GHR: variants seen among roughly 807,000 people sequenced by gnomAD.
The protein encoded by GHR is growth hormone receptor, also known as GH receptor.
GHR carries 35 observed loss-of-function variants against 67.1 expected under a neutral mutation model. The ratio of observed to expected loss-of-function variants is 0.52; its 90% CI spans 0.40 to 0.69. GHR has a LOEUF of 0.69. Among genes scored for constraint, GHR ranks in the 30% least tolerant of loss-of-function variants. The probability of loss-of-function intolerance (pLI) is 0.00; values close to 1 mark genes in which losing one functional copy is unlikely to be tolerated. For synonymous variants in GHR, 272 were observed against 269.1 expected (o/e 1.01, Z -0.10); for missense variants, 792 against 764.6 (o/e 1.04, Z -0.42).
At chr5:42,695,206 T>C in intron 5 of GHR, 117 bp downstream of exon 5, 1 of 752,436 alleles carries the variant, frequency 1.3e-6, no homozygotes, top group Non-Finnish European at 2.4e-6. Context: ...TATAGATACA[T>C]GGAGATCTGT....
At chr5:42,712,984 T>C (rs536102357) in intron 7 of GHR, among the ~76,000 whole-genome samples, 1 of 152,084 alleles carries the variant, frequency 6.6e-6, no homozygotes, top group East Asian at 1.9e-4. Flanking sequence ...CTTCATCTTT[T>C]TGATAAATCT....
At position 42,688,966 on chromosome 5, in the gene GHR, G is replaced by C. The variant is rs1414009547; in HGVS notation, c.213G>C (p.Glu71Asp). The C allele has an allele frequency of 6.2e-7, 1 of 1,613,122 alleles. No homozygotes were observed. Among genetic ancestry groups the C allele is most frequent in the South Asian group, 1.1e-5 (1 of 91,052 alleles). Residue 71 changes from glutamate to aspartate, a missense_variant, in exon 4 of 10, where the codon GAG (glutamate) becomes GAC (aspartate). Glu to Asp is a conservative substitution (Grantham distance 45). Coordinates refer to ENST00000230882, the MANE Select transcript of GHR (RefSeq NM_000163.5). ...RETFSCHWTD[E>D]VHHGTKNLGP... ...CTTTTTCATGCCACTGGACAGATGA[G>C]GTTCATCATGGTACAAAGAACCTAG...
intron 3 of GHR, among the ~76,000 whole-genome samples, chr5:42,656,896 A>C (rs1419379253): frequency 6.6e-6 from 1 of 152,154 alleles, no homozygotes; most frequent in Non-Finnish European, 1.5e-5. Context: ...TTATACAAGG[A>C]ATTTTGAGCC....
At chr5:42,709,474 A>G (rs1758346989) in intron 6 of GHR, among the ~76,000 whole-genome samples, 1 of 152,052 alleles carries the variant, frequency 6.6e-6, no homozygotes, top group Non-Finnish European at 1.5e-5. Context: ...TTGCATGACC[A>G]TGTGGTTGTT....
At chr5:42,474,239 A>G (rs1030411826) in intron 1 of GHR, among the ~76,000 whole-genome samples, 1 of 145,370 alleles carries the variant, frequency 6.9e-6, no homozygotes. Context: ...AAAAGAAAGA[A>G]AGAGAGAGAA....
At chr5:42,447,549 C>T (rs1020954137) in intron 1 of GHR, among the ~76,000 whole-genome samples, 1 of 152,018 alleles carries the variant, frequency 6.6e-6, no homozygotes, top group Non-Finnish European at 1.5e-5. Flanking sequence ...AGGCTTGTTC[C>T]ATATTTTTGC....
At chr5:42,473,247 C>T (rs376677093) in intron 1 of GHR, among the ~76,000 whole-genome samples, 11 of 151,902 alleles carry the variant, frequency 7.2e-5, no homozygotes, top group Admixed American at 2.0e-4. Flanking sequence ...GGAGTCTCAC[C>T]CTGTCAACCA....
intron 3 of GHR, among the ~76,000 whole-genome samples, chr5:42,660,026 C>A (rs1580144023): frequency 6.6e-6 from 1 of 152,188 alleles, no homozygotes; most frequent in Admixed American, 6.5e-5. Flanking sequence ...AGTCTGAGAT[C>A]AAACTGCAAG....
intron 1 of GHR, among the ~76,000 whole-genome samples, chr5:42,534,481 T>A (rs575794442): frequency 2.8e-5 from 4 of 141,756 alleles, no homozygotes; most frequent in African/African-American, 1.2e-4. Flanking sequence ...TATGTATATG[T>A]GTATATATGT....
intron 1 of GHR, among the ~76,000 whole-genome samples, chr5:42,472,426 A>G (rs925817566): frequency 6.6e-6 from 1 of 152,264 alleles, no homozygotes; most frequent in Non-Finnish European, 1.5e-5. Context: ...ACCACATCTC[A>G]GTTAATGGCT....
At chr5:42,621,353 T>C (rs1753434976) in intron 2 of GHR, among the ~76,000 whole-genome samples, 2 of 152,262 alleles carry the variant, frequency 1.3e-5, no homozygotes, top group South Asian at 2.1e-4. Flanking sequence ...ACTGGCCTTA[T>C]TATGCTAGGG....
chr5:42,567,769 G>GTC (rs2112484543), intron 2 of GHR, among the ~76,000 whole-genome samples: 1 of 19,942 alleles, frequency 5.0e-5, no homozygotes, highest in South Asian at 8.6e-4. Flanking sequence ...GCTTGGCTCT[G>GTC]TGTGTGTGTG....
chr5:42,603,050 C>T (rs1205620965), intron 2 of GHR, among the ~76,000 whole-genome samples: 2 of 152,088 alleles, frequency 1.3e-5, no homozygotes, highest in Non-Finnish European at 2.9e-5. Context: ...TAAACTCTCT[C>T]AACTTTTGTT....
intron 1 of GHR, among the ~76,000 whole-genome samples, chr5:42,463,333 T>C (rs760698131): frequency 2.0e-5 from 3 of 152,226 alleles, no homozygotes; most frequent in Non-Finnish European, 4.4e-5. Flanking sequence ...TTTTTATGCC[T>C]TGTTGGCCAT....
At chr5:42,597,476 G>C (rs1216708115) in intron 2 of GHR, among the ~76,000 whole-genome samples, 1 of 152,130 alleles carries the variant, frequency 6.6e-6, no homozygotes, top group African/African-American at 2.4e-5. Context: ...CACTAGGTAA[G>C]AACAGCCTAG....
chr5:42,526,844 G>A (rs2112324855), intron 1 of GHR, among the ~76,000 whole-genome samples: 1 of 152,274 alleles, frequency 6.6e-6, no homozygotes, highest in African/African-American at 2.4e-5. Context: ...GCAAGGGCAG[G>A]TCACCTACAA....
At chr5:42,678,859 A>G (rs1756694898) in intron 3 of GHR, among the ~76,000 whole-genome samples, 1 of 151,574 alleles carries the variant, frequency 6.6e-6, no homozygotes, top group East Asian at 1.9e-4. Flanking sequence ...AGTAATTTTG[A>G]GACATTTTAT....
intron 4 of GHR, among the ~76,000 whole-genome samples, chr5:42,692,903 A>C (rs1274701557): frequency 1.3e-5 from 2 of 152,072 alleles, no homozygotes; most frequent in East Asian, 3.8e-4. Flanking sequence ...TTTCTGGGCA[A>C]TTTTCTTACA....
intron 1 of GHR, among the ~76,000 whole-genome samples, chr5:42,454,806 A>T (rs1183353438): frequency 1.3e-5 from 2 of 152,036 alleles, no homozygotes; most frequent in African/African-American, 4.8e-5. Context: ...AAAGCAAGCA[A>T]GGCTTTCAGG....
Sources: allele counts gnomAD v4.1 joint callset (sites outside exome capture counted in the v4.1 genomes callset), GRCh38; gene constraint gnomAD v4.1.1; transcripts MANE v1.5; gene names NCBI Gene and HGNC (gene_info 2026-07-23, HGNC 2026-07-21).